FAM107B: variants seen among roughly 807,000 people sequenced by gnomAD.
FAM107B encodes the protein family with sequence similarity 107 member B, also known as protein FAM107B.
A neutral mutation model predicts 31.5 loss-of-function variants in FAM107B; 21 were observed. That is an observed-to-expected ratio of 0.67 (90% CI 0.47 to 0.96). FAM107B has a LOEUF of 0.96. FAM107B is among the 40% of genes least tolerant of loss of function. FAM107B has a pLI of 0.00. For synonymous variants in FAM107B, 157 were observed against 141.5 expected, an observed-to-expected ratio of 1.11 and a Z score of -0.78; for missense variants, 452 against 377.1, an observed-to-expected ratio of 1.20 and a Z score of -1.64.
chr10:14,631,684 G>T (rs1853357335), intron 2 of FAM107B, among the ~76,000 whole-genome samples: 1 of 151,976 alleles, frequency 6.6e-6, no homozygotes, highest in Admixed American at 6.6e-5. Flanking sequence ...TAACCTCCTG[G>T]GTCCCCACCC....
intron 2 of FAM107B, chr10:14,532,617 C>G (rs190636915): frequency 6.6e-6 from 1 of 152,336 alleles, no homozygotes; most frequent in East Asian, 1.9e-4. Context: ...GAACCCATCA[C>G]AGCCAGCCTG....
chr10:14,762,340 G>T (rs74122991), intron 1 of FAM107B, among the ~76,000 whole-genome samples: 1 of 152,114 alleles, frequency 6.6e-6, no homozygotes, highest in South Asian at 2.1e-4. Flanking sequence ...GACCCTAATC[G>T]GGAACCTGCA....
At chr10:14,629,297 A>G (rs1853256607) in intron 2 of FAM107B, among the ~76,000 whole-genome samples, 1 of 71,986 alleles carries the variant, frequency 1.4e-5, no homozygotes, top group African/African-American at 5.1e-5. Flanking sequence ...TATAAATTGT[A>G]TAAATATATA....
chr10:14,548,694 G>A, intron 2 of FAM107B: 1 of 977,610 alleles, frequency 1.0e-6, no homozygotes, highest in Non-Finnish European at 1.2e-6. Context: ...TCATTGGCCA[G>A]AACAGTGTCA....
intron 2 of FAM107B, among the ~76,000 whole-genome samples, chr10:14,636,421 G>A (rs2131425938): frequency 6.6e-6 from 1 of 152,188 alleles, no homozygotes; most frequent in East Asian, 1.9e-4. Context: ...ACTCTTTTTG[G>A]GGGTAGAGTA....
chr10:14,751,841 A>C (rs922160310), intron 1 of FAM107B, among the ~76,000 whole-genome samples: 2 of 151,984 alleles, frequency 1.3e-5, no homozygotes, highest in Non-Finnish European at 2.9e-5. Context: ...CCGAGACTGA[A>C]GCCCAGGCCT....
chr10:14,624,868 T>G lies in FAM107B; in HGVS notation c.469+42766A>C, dbSNP rs1040946313. 3.3e-5 allele frequency among the ~76,000 whole-genome samples: 5 copies of G among 152,166 alleles called. No homozygotes were observed. In the South Asian group the frequency reaches 6.2e-4, roughly 19 times the overall value. On this transcript the variant is annotated intron_variant, in intron 2 of 4. Coordinates refer to ENST00000181796, the MANE Select transcript of FAM107B (RefSeq NM_031453.4). ...GTTCCTTTCTCCAGATCAGTAGATA[T>G]TCAAGGGTAAGAACTCTGGTAATCC... is the stretch of plus-strand genomic sequence containing the variant.
At chr10:14,567,666 G>A (rs2131228571) in intron 2 of FAM107B, among the ~76,000 whole-genome samples, 1 of 152,284 alleles carries the variant, frequency 6.6e-6, no homozygotes, top group African/African-American at 2.4e-5. Context: ...TCGCTGAAAT[G>A]TTGGAATTCA....
chr10:14,720,827 G>T (rs886849106), intron 1 of FAM107B, among the ~76,000 whole-genome samples: 1 of 151,966 alleles, frequency 6.6e-6, no homozygotes, highest in African/African-American at 2.4e-5. Flanking sequence ...AATTTCAAAG[G>T]AACATATTTT....
intron 2 of FAM107B, among the ~76,000 whole-genome samples, chr10:14,546,478 C>T (rs1431888033): frequency 2.6e-5 from 4 of 152,230 alleles, no homozygotes; most frequent in African/African-American, 9.6e-5. Context: ...ACTTTAATAA[C>T]AGCTCGACAG....
At chr10:14,698,972 C>T (rs1208731739) in intron 1 of FAM107B, among the ~76,000 whole-genome samples, 1 of 152,170 alleles carries the variant, frequency 6.6e-6, no homozygotes, top group Non-Finnish European at 1.5e-5. Flanking sequence ...CTCCACATCT[C>T]TTTCAGAGGT....
intron 1 of FAM107B, among the ~76,000 whole-genome samples, chr10:14,765,838 T>G (rs1174655461): frequency 6.6e-6 from 1 of 152,174 alleles, no homozygotes; most frequent in Non-Finnish European, 1.5e-5. Context: ...GGTTTCATTC[T>G]AAAGAAATGC....
In FAM107B at chr10:14,548,700, T is replaced by TG. The variant is rs565468696; in HGVS notation, c.470-18186dup. On this transcript the variant is annotated intron_variant, in intron 2 of 4. Coordinates refer to ENST00000181796, the MANE Select transcript of FAM107B (RefSeq NM_031453.4). Reference sequence around the variant, plus strand: ...TCCATCGCCTCATTGGCCAGAACAGTGTCACATGACCACTCTAGCCGCAAA... The same window carrying TG: ...TCCATCGCCTCATTGGCCAGAACAGTGGTCACATGACCACTCTAGCCGCAAA... The TG allele has an allele frequency of 1.6e-4, 157 of 972,796 alleles. 1 individual carries two copies. The African/African-American group carries it at 2.5e-3, about 16-fold the overall frequency. 60.3% of individuals were successfully genotyped at this position (972,796 alleles called of 1,614,324 possible). A position where few individuals can be genotyped will look rare whatever the true frequency, so the allele number is the denominator to read the frequency against.
intron 2 of FAM107B, among the ~76,000 whole-genome samples, chr10:14,607,529 G>T (rs531220151): frequency 6.6e-6 from 1 of 152,300 alleles, no homozygotes; most frequent in South Asian, 2.1e-4. Flanking sequence ...CACTCTGTGG[G>T]TGATAGATGC....
At chr10:14,724,799 G>T (rs1321117851) in intron 1 of FAM107B, among the ~76,000 whole-genome samples, 2 of 152,160 alleles carry the variant, frequency 1.3e-5, no homozygotes, top group African/African-American at 4.8e-5. Flanking sequence ...ACACTGAAGA[G>T]TGAAGTCCCC....
chr10:14,707,225 A>AC (rs1335622875), intron 1 of FAM107B, among the ~76,000 whole-genome samples: 1 of 152,144 alleles, frequency 6.6e-6, no homozygotes, highest in Non-Finnish European at 1.5e-5. Flanking sequence ...TTTTATCACC[A>AC]CCCCAACAAA....
chr10:14,586,984 A>G (rs1851864836), intron 2 of FAM107B, among the ~76,000 whole-genome samples: 1 of 152,234 alleles, frequency 6.6e-6, no homozygotes, highest in African/African-American at 2.4e-5. Context: ...TCCTATGAGA[A>G]TGGAATAGTC....
chr10:14,545,200 T>A (rs896458380), intron 2 of FAM107B, among the ~76,000 whole-genome samples: 2 of 152,170 alleles, frequency 1.3e-5, no homozygotes, highest in South Asian at 4.1e-4. Context: ...GCTAGCAGCA[T>A]CATGCAGCTA....
chr10:14,712,035 C>T (rs1283575961), intron 1 of FAM107B, among the ~76,000 whole-genome samples: 2 of 152,182 alleles, frequency 1.3e-5, no homozygotes, highest in East Asian at 3.8e-4. Flanking sequence ...AAGGCTTAAA[C>T]CTACAGGTTC....
Sources: allele counts gnomAD v4.1 joint callset (sites outside exome capture counted in the v4.1 genomes callset), GRCh38; gene constraint gnomAD v4.1.1; transcripts MANE v1.5; gene names NCBI Gene and HGNC (gene_info 2026-07-23, HGNC 2026-07-21).